The following HSPG2 variants were observed in gnomAD, a reference collection of about 807,000 sequenced individuals.
HSPG2 encodes the protein heparan sulfate proteoglycan 2, also known as basement membrane-specific heparan sulfate proteoglycan core protein.
HSPG2 carries 278 observed loss-of-function variants against 526.6 expected under a neutral mutation model. The ratio of observed to expected loss-of-function variants is 0.53; its 90% CI spans 0.48 to 0.58. HSPG2 has a LOEUF of 0.58. Among genes scored for constraint, HSPG2 ranks in the 20% least tolerant of loss-of-function variants. The pLI is 0.00. For missense variants in HSPG2, 5,354 were observed against 6,099.5 expected (o/e 0.88, Z 4.07); for synonymous variants, 2,465 against 2,555.4 (o/e 0.96, Z 1.07).
Position 21,876,574 on chromosome 1 carries a change from G to C in HSPG2, c.2764C>G (p.Leu922Val), listed in dbSNP as rs749158385. Residue 922 changes from leucine to valine, a missense_variant, in exon 22 of 97, where the codon CTC becomes GTC. Transcript: ENST00000374695. Reference protein sequence around the residue: ...HLSTRNPDGCLKCFCMGVSRH... With the variant: ...HLSTRNPDGCVKCFCMGVSRH... ...CTGACACCCATGCAGAAGCACTTGA[G>C]GCAGCCATCGGGGTTTCGGGTACTC... is the stretch of plus-strand genomic sequence containing the variant. 1.2e-6 allele frequency: 2 copies of C among 1,614,246 alleles called. No homozygotes were observed. Among genetic ancestry groups the C allele is most frequent in the South Asian group, 2.2e-5 (2 of 91,084 alleles).
rs544883114 is a variant in HSPG2 at position 21,822,318 on chromosome 1, C to A, written c.*998G>T. 2.5e-6 allele frequency: 3 copies of A among 1,195,090 alleles called. No homozygotes were observed. Among genetic ancestry groups the A allele is most frequent in the African/African-American group, 1.5e-5 (1 of 66,748 alleles). The allele number at this position is 1,195,090 out of a possible 1,614,324, so 74.0% of individuals were successfully genotyped here. On this transcript the variant is annotated 3_prime_UTR_variant, in exon 97 of 97. Coordinates refer to ENST00000374695, the MANE Select transcript of HSPG2 (RefSeq NM_005529.7). ...GAGGGTCCCTTCTAGGACACAGAGG[C>A]CAGGCGTCCCAACCCCACAGTCTGG...
chr1:21,841,066 G>A, intron 71 of HSPG2, 35 bp downstream of exon 71: 1 of 1,563,356 alleles, frequency 6.4e-7, no homozygotes, highest in Non-Finnish European at 8.7e-7. Flanking sequence ...GCCATGGACT[G>A]GGCCTCAGAC....
At position 21,865,792 on chromosome 1, in the gene HSPG2, C is replaced by T. The variant is rs1640179495; in HGVS notation, c.4239G>A (p.Gly1413=). The T allele has an allele frequency of 1.2e-6, 2 of 1,613,494 alleles. No individual in the cohort carries two copies. The highest frequency in any genetic ancestry group is 1.7e-6 in the Non-Finnish European group (2 of 1,179,922). The change falls in exon 34 of 97, where the codon GGG becomes GGA. Residue 1413 remains glycine, a synonymous_variant. Transcript: ENST00000374695. The surrounding 1 kb of genome is among the most constrained non-coding windows in gnomAD (Gnocchi z 5.4). ...YQGDKVAAYG[G]KLRYTLSYTA... ...TGTAGGAGAGGGTGTATCGCAACTT[C>T]CCACCGTAGGCCGCCACCTGCAAAG... is the stretch of plus-strand genomic sequence containing the variant.
At chr1:21,854,817 C>T (rs745311179) in intron 48 of HSPG2, 31 bp downstream of exon 48, 2 of 1,612,976 alleles carry the variant, frequency 1.2e-6, no homozygotes, top group Admixed American at 1.7e-5. Flanking sequence ...GGCTTGCCCT[C>T]CCCACCCCTC....
intron 1 of HSPG2, among the ~76,000 whole-genome samples, chr1:21,918,075 G>A (rs1643930883): frequency 6.6e-6 from 1 of 152,086 alleles, no homozygotes; most frequent in Admixed American, 6.5e-5. Context: ...TAAGTTTGAG[G>A]ACTCAATTTC....
At chr1:21,873,487 C>CT in intron 29 of HSPG2, 63 bp from the exon 30 acceptor site, 1 of 1,494,294 alleles carries the variant, frequency 6.7e-7, no homozygotes, top group Non-Finnish European at 9.3e-7. Flanking sequence ...CAGGGCTGGG[C>CT]TGAGGGCCCC....
Position 21,863,200 on chromosome 1 carries a change from C to T in HSPG2, c.4740+900G>A, listed in dbSNP as rs1474237769. ...ATCCTGGCTGACACAGGTGAAACCC[C>T]GCCTCTACTAAAAACACAAAAAATT... On this transcript the variant is annotated intron_variant, in intron 37 of 96. Transcript: ENST00000374695. Among the ~76,000 whole-genome samples, 9 of 151,296 alleles carry T rather than the reference C, an allele frequency of 5.9e-5. 1 individual carries two copies. Among genetic ancestry groups the T allele is most frequent in the South Asian group, 2.1e-4 (1 of 4,772 alleles).
Position 21,842,387 on chromosome 1 carries a change from G to A in HSPG2, c.8911-7C>T. The A allele has an allele frequency of 6.3e-7, 1 of 1,599,980 alleles. No homozygotes were observed. Among genetic ancestry groups the A allele is most frequent in the South Asian group, 1.1e-5 (1 of 89,682 alleles). ...GCAGCTGGGAGCCATGGGTCTGTCA[G>A]AGCAGCGAGGGGACAGTTATCAGGG... On this transcript the variant is annotated splice_region_variant and splice_polypyrimidine_tract_variant and intron_variant, in intron 67 of 96. Coordinates refer to ENST00000374695, the MANE Select transcript of HSPG2 (RefSeq NM_005529.7).
chr1:21,881,600 T>C (rs1641514690), intron 13 of HSPG2, 98 bp from the exon 14 acceptor site: 3 of 1,158,286 alleles, frequency 2.6e-6, no homozygotes, highest in Admixed American at 2.0e-5. Context: ...AAAGTTCTAG[T>C]GGAAATTTGA....
In HSPG2 at chr1:21,824,992, T is replaced by C; in HGVS notation, c.12590-213A>G. The C allele has an allele frequency of 1.7e-6, 1 of 600,032 alleles. No individual in the cohort carries two copies. Among genetic ancestry groups the C allele is most frequent in the Non-Finnish European group, 3.0e-6 (1 of 331,146 alleles). The allele number at this position is 600,032 out of a possible 1,614,324, so 37.2% of individuals were successfully genotyped here. ...CACCTCAATTTCACTCACTTCTCAC[T>C]GAAATTGAGCAGTTCTTTCAATGAG... is the stretch of plus-strand genomic sequence containing the variant. On this transcript the variant is annotated intron_variant, in intron 91 of 96. Transcript: ENST00000374695. This position sits in a 1 kb window ranked among gnomAD's most constrained non-coding sequence, Gnocchi z 5.9.
chr1:21,877,059 CAA>C (rs3077630), intron 21 of HSPG2, among the ~76,000 whole-genome samples: 1 of 103,148 alleles, frequency 9.7e-6, no homozygotes, highest in African/African-American at 3.9e-5. Context: ...GACTCCATCT[CAA>C]AAAAAAAAAA....
chr1:21,897,766 T>G (rs938777541), intron 1 of HSPG2, among the ~76,000 whole-genome samples: 4 of 152,072 alleles, frequency 2.6e-5, no homozygotes, highest in African/African-American at 4.8e-5. Flanking sequence ...TGGGGGTGAC[T>G]GGGAAGGGGG....
In HSPG2 at chr1:21,908,059, C is replaced by A. The variant is rs560010664; in HGVS notation, c.64-11749G>T. On this transcript the variant is annotated intron_variant, in intron 1 of 96. Transcript: ENST00000374695. ...TGAATGTTCTATAAGTGTTTGCTGC[C>A]TTTCGGCCGGAACCGCCATCTTCCA... 8.6e-5 allele frequency: 64 copies of A among 745,234 alleles called. No homozygotes were observed. In the East Asian group the frequency reaches 1.6e-3, roughly 18 times the overall value. The allele number at this position is 745,234 out of a possible 1,614,324, so 46.2% of individuals were successfully genotyped here.
intron 74 of HSPG2, among the ~76,000 whole-genome samples, chr1:21,838,045 A>G (rs2152701727): frequency 6.7e-6 from 1 of 149,260 alleles, no homozygotes; most frequent in South Asian, 2.2e-4. Flanking sequence ...CTGAGGCACG[A>G]GAAAGGCTTG....
In HSPG2 at chr1:21,860,219, C is replaced by T. The variant is rs143523507; in HGVS notation, c.4972G>A (p.Val1658Met). 1.2e-4 allele frequency: 199 copies of T among 1,613,630 alleles called. 3 individuals are homozygous for T. In the African/African-American group the frequency reaches 1.7e-3, roughly 14 times the overall value. Residue 1658 changes from valine (V) to methionine (M), a missense_variant, in exon 40 of 97, where the codon GTG (valine) becomes ATG (methionine). By Grantham distance (21) the Val-to-Met change is conservative. Transcript: ENST00000374695. ...QYCEQCGPGY[V>M]GNPSVQGGQC... is the part of the protein sequence containing the mutation. Reference sequence around the variant, plus strand: ...CCCCCTTGCACACTGGGGTTACCCACGTAACCTGGGCCACACCTGTAAGGG... The same window carrying T: ...CCCCCTTGCACACTGGGGTTACCCATGTAACCTGGGCCACACCTGTAAGGG...
chr1:21,837,912 G>A (rs890220589), intron 74 of HSPG2, among the ~76,000 whole-genome samples: 1 of 151,968 alleles, frequency 6.6e-6, no homozygotes, highest in African/African-American at 2.4e-5. Flanking sequence ...GAGGTGGGTG[G>A]ATCACATGAG....
chr1:21,858,846 A>G lies in HSPG2; in HGVS notation c.5293+720T>C, dbSNP rs1042173670. Among the ~76,000 whole-genome samples the G allele has an allele frequency of 2.6e-5, 4 of 152,204 alleles. No individual in the cohort carries two copies. Among genetic ancestry groups the G allele is most frequent in the Non-Finnish European group, 2.9e-5 (2 of 68,032 alleles). On this transcript the variant is annotated intron_variant, in intron 42 of 96. Transcript: ENST00000374695. The surrounding 1 kb of genome is among the most constrained non-coding windows in gnomAD (Gnocchi z 4.2). The stretch of plus-strand genomic sequence containing the variant: ...ATGACTGACAGAAGCTGGCCTAGAC[A>G]TACTGCAGCTCCTTGGACCCCAGGG...
intron 9 of HSPG2, among the ~76,000 whole-genome samples, chr1:21,886,283 A>G (rs904532499): frequency 6.6e-6 from 1 of 152,160 alleles, no homozygotes; most frequent in Non-Finnish European, 1.5e-5. Flanking sequence ...CAATTACTTT[A>G]TCTCTCCCAA....
chr1:21,857,263 C>T (rs1161537843), intron 43 of HSPG2, 22 bp downstream of exon 43: 2 of 1,613,954 alleles, frequency 1.2e-6, no homozygotes, highest in South Asian at 2.2e-5. Context: ...CTTCCTCCAT[C>T]CCCACTCCCT....
Sources: allele counts gnomAD v4.1 joint callset (sites outside exome capture counted in the v4.1 genomes callset), GRCh38; gene constraint gnomAD v4.1.1; non-coding constraint Gnocchi (gnomAD v3.1); transcripts MANE v1.5; gene names NCBI Gene and HGNC (gene_info 2026-07-23, HGNC 2026-07-21).